Variants in KRT7 observed in about 807,000 individuals in gnomAD.
The protein encoded by KRT7 is keratin 7, also known as keratin, type II cytoskeletal 7.
In KRT7, 50 loss-of-function variants were observed where a neutral mutation model predicts 42.8. The observed-to-expected ratio is 1.17, with a 90% confidence interval of 0.93 to 1.48. The LOEUF is 1.48. KRT7 is among the 40% of genes most tolerant of loss of function. KRT7 has a pLI of 0.00. For synonymous variants in KRT7, 268 were observed against 266.3 expected, an observed-to-expected ratio of 1.01 and a Z score of -0.06; for missense variants, 588 against 637.6, an observed-to-expected ratio of 0.92 and a Z score of 0.84.
At chr12:52,250,236 CT>C (rs1416440916), downstream of KRT7, among the ~76,000 whole-genome samples, 1 of 152,222 alleles carries the variant, frequency 6.6e-6, no homozygotes, top group Non-Finnish European at 1.5e-5. Flanking sequence ...GAGGACAGTC[CT>C]TTAGATTCGG....
intron 3 of KRT7, 157 bp downstream of exon 3, chr12:52,237,726 ATGTGTGTGTGTGTG>A (rs10546862): frequency 1.7e-5 from 6 of 346,426 alleles, no homozygotes; most frequent in Middle Eastern, 7.1e-4. Flanking sequence ...GGGTGCGTGT[ATGTGTGTGTGTGTG>A]TGTGTGTGTG....
chr12:52,238,810 C>T (rs75797459), intron 4 of KRT7, 35 bp downstream of exon 4: 28 of 1,335,280 alleles, frequency 2.1e-5, no homozygotes, highest in Middle Eastern at 3.6e-4. Context: ...ATGTCTTATC[C>T]TACCCATTCT....
chr12:52,246,300 A>T (rs1440764668), intron 7 of KRT7: 1 of 152,268 alleles, frequency 6.6e-6, no homozygotes, highest in Non-Finnish European at 1.5e-5. Context: ...TTGGCTTGTT[A>T]TAAGACACCA....
At position 52,248,174 on chromosome 12, in the gene KRT7, C is replaced by T. The variant is rs73317417; in HGVS notation, c.1206-3C>T. 5,333 of 1,614,052 alleles carry T rather than the reference C, an allele frequency of 3.3e-3. 165 individuals carry two copies. The African/African-American group carries it at 0.063, about 19-fold the overall frequency. On this transcript the variant is annotated splice_region_variant and splice_polypyrimidine_tract_variant and intron_variant, in intron 7 of 8. Coordinates refer to ENST00000331817, the MANE Select transcript of KRT7 (RefSeq NM_005556.4). ...GTCCTCACTGTCTGTCCTCTGCCCCCAGGTTGGCTGGAGATGGAGTGGGAG... is the reference window on the plus strand; with the variant it reads ...GTCCTCACTGTCTGTCCTCTGCCCCTAGGTTGGCTGGAGATGGAGTGGGAG...
chr12:52,254,713 G>T (rs1038198289), downstream of KRT7, among the ~76,000 whole-genome samples: 2 of 152,150 alleles, frequency 1.3e-5, no homozygotes, highest in African/African-American at 4.8e-5. Flanking sequence ...CTCCGCTCTG[G>T]AATCTCATGG....
chr12:52,252,261 C>T, downstream of KRT7: 1 of 1,613,972 alleles, frequency 6.2e-7, no homozygotes, highest in Non-Finnish European at 8.5e-7. Flanking sequence ...GTGGTCCTCA[C>T]CTCTGCTCCT....
At chr12:52,244,424 G>A (rs1474638761) in intron 6 of KRT7, 1 of 985,670 alleles carries the variant, frequency 1.0e-6, no homozygotes, top group Non-Finnish European at 1.2e-6. Flanking sequence ...GGCGTCATGG[G>A]GAGCTACAAG....
intron 1 of KRT7, among the ~76,000 whole-genome samples, chr12:52,234,660 C>T (rs993922641): frequency 6.6e-5 from 10 of 152,130 alleles, no homozygotes; most frequent in Non-Finnish European, 1.3e-4. Context: ...CCAGTCATAC[C>T]GGCTACTCCT....
Position 52,245,594 on chromosome 12 carries a change from C to T in KRT7, c.1167C>T (p.Ile389=), listed in dbSNP as rs761408226. ...TGAAGCTGGCCCTGGACATCGAGAT[C>T]GCCACCTACCGCAAGCTGCTGGAGG... ...MSVKLALDIE[I]ATYRKLLEGE... The change falls in exon 7 of 9, where the codon ATC becomes ATT. Residue 389 remains isoleucine (I), a synonymous_variant. Coordinates refer to ENST00000331817, the MANE Select transcript of KRT7 (RefSeq NM_005556.4). The T allele has an allele frequency of 8.7e-6, 14 of 1,613,756 alleles. No individual in the cohort carries two copies. Among genetic ancestry groups the T allele is most frequent in the African/African-American group, 8.0e-5 (6 of 74,934 alleles).
chr12:52,233,645 T>C, intron 1 of KRT7, 25 bp downstream of exon 1: 4 of 1,609,056 alleles, frequency 2.5e-6, no homozygotes, highest in Non-Finnish European at 2.5e-6. Context: ...ACCTCGCCTC[T>C]CCTCGAGCCG....
downstream of KRT7, among the ~76,000 whole-genome samples, chr12:52,251,359 C>T (rs1181238158): frequency 6.6e-6 from 1 of 152,222 alleles, no homozygotes; most frequent in Admixed American, 6.5e-5. Context: ...ATAAAATACA[C>T]TAATACTAAC....
At chr12:52,235,067 C>A in intron 1 of KRT7, 88 bp from the exon 2 acceptor site, 3 of 1,274,998 alleles carry the variant, frequency 2.4e-6, no homozygotes, top group Non-Finnish European at 3.4e-6. Flanking sequence ...CATGGCTCTG[C>A]TAAGTGGCTA....
chr12:52,255,411 C>A, downstream of KRT7: 1 of 456,742 alleles, frequency 2.2e-6, no homozygotes, highest in Non-Finnish European at 4.4e-6. Flanking sequence ...TTCTTCATAC[C>A]TGGGGACAAA....
intron 5 of KRT7, 132 bp downstream of exon 5, chr12:52,241,768 T>G: frequency 2.7e-6 from 2 of 740,936 alleles, no homozygotes; most frequent in South Asian, 1.9e-5. Flanking sequence ...TTTAAGTCTG[T>G]GGTGCTCAGC....
intron 1 of KRT7, 86 bp from the exon 2 acceptor site, chr12:52,235,069 A>T: frequency 7.8e-7 from 1 of 1,280,396 alleles, no homozygotes; most frequent in Non-Finnish European, 1.1e-6. Flanking sequence ...TGGCTCTGCT[A>T]AGTGGCTAAA....
At chr12:52,244,820 G>A (rs1565721191) in intron 6 of KRT7, among the ~76,000 whole-genome samples, 1 of 152,148 alleles carries the variant, frequency 6.6e-6, no homozygotes, top group Non-Finnish European at 1.5e-5. Flanking sequence ...GGGACTGTGA[G>A]TCATGCATCT....
At position 52,238,790 on chromosome 12, in the gene KRT7, G is replaced by C. The variant is rs1387693533; in HGVS notation, c.693+15G>C. ...TCAATGAGACGGTGAGGACCATGGA[G>C]CTGGGTGACATGTCTTATCCTACCC... is the stretch of plus-strand genomic sequence containing the variant. On this transcript the variant is annotated intron_variant, in intron 4 of 8. Transcript: ENST00000331817. The C allele has an allele frequency of 6.7e-7, 1 of 1,503,178 alleles. No individual in the cohort carries two copies. The highest frequency in any genetic ancestry group is 2.3e-5 in the East Asian group (1 of 44,422). 93.1% of individuals were successfully genotyped at this position (1,503,178 alleles called of 1,614,324 possible). A position where few individuals can be genotyped will look rare whatever the true frequency, so the allele number is the denominator to read the frequency against.
downstream of KRT7, chr12:52,250,597 C>G (rs1942249942): frequency 1.6e-6 from 2 of 1,224,120 alleles, no homozygotes; most frequent in East Asian, 5.1e-5. Context: ...GAGCCCGACA[C>G]GCACAGGTCC....
downstream of KRT7, among the ~76,000 whole-genome samples, chr12:52,254,967 C>T (rs1942318379): frequency 6.6e-6 from 1 of 152,188 alleles, no homozygotes; most frequent in South Asian, 2.1e-4. Context: ...TGTTGCTGGC[C>T]TGAGGATGCA....
Sources: allele counts gnomAD v4.1 joint callset (sites outside exome capture counted in the v4.1 genomes callset), GRCh38; gene constraint gnomAD v4.1.1; transcripts MANE v1.5; gene names NCBI Gene and HGNC (gene_info 2026-07-23, HGNC 2026-07-21).